Variants in MTA3 observed in about 807,000 individuals in gnomAD.
MTA3 encodes the protein metastasis-associated protein MTA3.
A neutral mutation model predicts 83.5 loss-of-function variants in MTA3; 34 were observed. The observed-to-expected ratio is 0.41, with a 90% CI of 0.31 to 0.54. MTA3 has a LOEUF of 0.54. MTA3 is among the 20% of genes least tolerant of loss of function. MTA3 has a pLI of 0.33. For synonymous variants in MTA3, 303 were observed against 252.7 expected, an observed-to-expected ratio of 1.20 and a Z score of -1.89; for missense variants, 761 against 726.4, an observed-to-expected ratio of 1.05 and a Z score of -0.55.
At chr2:42,610,434 C>T (rs1442743125) in intron 4 of MTA3, among the ~76,000 whole-genome samples, 1 of 152,136 alleles carries the variant, frequency 6.6e-6, no homozygotes, top group Non-Finnish European at 1.5e-5. Flanking sequence ...AAAAAGGTGA[C>T]TGATTTGGGC....
At chr2:42,705,313 C>A (rs1253979993) in intron 12 of MTA3, among the ~76,000 whole-genome samples, 1 of 152,096 alleles carries the variant, frequency 6.6e-6, no homozygotes, top group Non-Finnish European at 1.5e-5. Context: ...ATCATAAATA[C>A]CTTGAATTGG....
intron 6 of MTA3, among the ~76,000 whole-genome samples, chr2:42,654,091 C>G (rs1176347971): frequency 1.3e-5 from 2 of 152,206 alleles, no homozygotes; most frequent in African/African-American, 4.8e-5. Flanking sequence ...GAAGTCCTTT[C>G]AAACCTTAGA....
intron 2 of MTA3, among the ~76,000 whole-genome samples, chr2:42,529,911 G>A (rs1256460247): frequency 2.0e-5 from 3 of 152,224 alleles, no homozygotes; most frequent in Admixed American, 2.0e-4. Flanking sequence ...CAATCGGACA[G>A]GCGCGGTGGC....
At chr2:42,664,815 CAA>C (rs1690079012) in intron 8 of MTA3, among the ~76,000 whole-genome samples, 1 of 152,110 alleles carries the variant, frequency 6.6e-6, no homozygotes, top group Non-Finnish European at 1.5e-5. Flanking sequence ...CTGAGGACTT[CAA>C]TGGGCTGTCA....
At chr2:42,510,802 A>G (rs566734131) in intron 2 of MTA3, among the ~76,000 whole-genome samples, 5 of 152,158 alleles carry the variant, frequency 3.3e-5, no homozygotes, top group Admixed American at 1.3e-4. Flanking sequence ...CCAGGCAGAG[A>G]GAGGGGGATG....
intron 12 of MTA3, among the ~76,000 whole-genome samples, chr2:42,705,478 G>A (rs1402591513): frequency 6.6e-6 from 1 of 152,208 alleles, no homozygotes; most frequent in Non-Finnish European, 1.5e-5. Context: ...GCTGAGGCGG[G>A]TGAATCACCT....
At chr2:42,523,060 T>G (rs1488611809) in intron 2 of MTA3, among the ~76,000 whole-genome samples, 1 of 152,062 alleles carries the variant, frequency 6.6e-6, no homozygotes, top group Non-Finnish European at 1.5e-5. Flanking sequence ...TCCTCCCATC[T>G]CAGGCCTCCC....
intron 8 of MTA3, among the ~76,000 whole-genome samples, chr2:42,672,249 G>A (rs559404521): frequency 6.6e-6 from 1 of 151,822 alleles, no homozygotes; most frequent in East Asian, 1.9e-4. Flanking sequence ...GTAATCACAG[G>A]TACATGGGAG....
chr2:42,740,758 A>G (rs190481321), intron 16 of MTA3, among the ~76,000 whole-genome samples: 1 of 152,350 alleles, frequency 6.6e-6, no homozygotes, highest in East Asian at 1.9e-4. Flanking sequence ...CAGAGGTGCT[A>G]TCATTTAGGC....
chr2:42,590,580 CT>C (rs1184288653), intron 3 of MTA3, among the ~76,000 whole-genome samples: 1 of 149,216 alleles, frequency 6.7e-6, no homozygotes, highest in East Asian at 2.0e-4. Flanking sequence ...CCAAAATGGA[CT>C]GAGAAACTGG....
chr2:42,681,882 G>A (rs1440230818), intron 8 of MTA3, among the ~76,000 whole-genome samples: 4 of 147,278 alleles, frequency 2.7e-5, no homozygotes, highest in South Asian at 2.1e-4. Flanking sequence ...CAGAGCAAGA[G>A]CCTATCTCAA....
At chr2:42,641,231 A>G (rs1332339578) in intron 5 of MTA3, among the ~76,000 whole-genome samples, 1 of 148,090 alleles carries the variant, frequency 6.8e-6, no homozygotes, top group Admixed American at 6.7e-5. Flanking sequence ...TTTTTTTTAA[A>G]TCTTATACTC....
chr2:42,649,116 C>T (rs1688471709), intron 6 of MTA3, among the ~76,000 whole-genome samples: 1 of 152,076 alleles, frequency 6.6e-6, no homozygotes, highest in African/African-American at 2.4e-5. Context: ...TGTTATCGGC[C>T]GGGTGTGGTG....
chr2:42,715,035 T>C (rs1347945840), intron 14 of MTA3, among the ~76,000 whole-genome samples: 1 of 152,206 alleles, frequency 6.6e-6, no homozygotes, highest in Non-Finnish European at 1.5e-5. Flanking sequence ...TTGAGTGAGA[T>C]ATAGATGTTC....
intron 2 of MTA3, among the ~76,000 whole-genome samples, chr2:42,528,624 A>T (rs752293063): frequency 6.6e-6 from 1 of 152,202 alleles, no homozygotes. Flanking sequence ...TGGTCATTTG[A>T]ATCTTGGCTT....
At chr2:42,536,827 C>G (rs1358049247) in intron 2 of MTA3, among the ~76,000 whole-genome samples, 2 of 145,980 alleles carry the variant, frequency 1.4e-5, no homozygotes, top group Non-Finnish European at 3.0e-5. Context: ...CCACTGCACT[C>G]CAGCCTGGGC....
At chr2:42,655,149 A>C (rs1172364000) in intron 6 of MTA3, among the ~76,000 whole-genome samples, 2 of 152,178 alleles carry the variant, frequency 1.3e-5, no homozygotes, top group Non-Finnish European at 2.9e-5. Context: ...AACCATGACT[A>C]GCTTTGAAAG....
intron 12 of MTA3, among the ~76,000 whole-genome samples, chr2:42,707,094 C>A (rs770992471): frequency 6.6e-6 from 1 of 151,484 alleles, no homozygotes; most frequent in Non-Finnish European, 1.5e-5. Flanking sequence ...TCTCTGTAGT[C>A]GCTGGGACTA....
At chr2:42,663,155 A>G (rs139037999) in intron 8 of MTA3, among the ~76,000 whole-genome samples, 45 of 152,318 alleles carry the variant, frequency 3.0e-4, no homozygotes, top group Non-Finnish European at 5.6e-4. Flanking sequence ...TTCTTATGAG[A>G]TACTGCTTCT....
Sources: gnomAD v4.1 joint callset for allele counts (sites outside exome capture counted in the v4.1 genomes callset) on GRCh38, gnomAD v4.1.1 for gene constraint, MANE v1.5 for transcripts, NCBI Gene and HGNC (gene_info 2026-07-23, HGNC 2026-07-21) for gene names.